Variants in ATP6V0E2 observed in about 807,000 individuals in gnomAD.
ATP6V0E2 encodes the protein V-type proton ATPase subunit e 2.
A neutral mutation model predicts 11.5 loss-of-function variants in ATP6V0E2; 4 were observed. The ratio of observed to expected loss-of-function variants is 0.35; its 90% confidence interval spans 0.17 to 0.80. The LOEUF (loss-of-function observed/expected upper bound fraction) is 0.80. Among genes scored for constraint, ATP6V0E2 ranks in the 30% least tolerant of loss-of-function variants. The probability of loss-of-function intolerance (pLI) is 0.53; values close to 1 mark genes in which losing one functional copy is unlikely to be tolerated. For missense variants in ATP6V0E2, 93 were observed against 113.5 expected (o/e 0.82, Z 0.82); for synonymous variants, 52 against 51.0 (o/e 1.02, Z -0.09).
upstream of ATP6V0E2, chr7:149,873,826 G>A (rs1016183683): frequency 7.0e-6 from 10 of 1,430,726 alleles, no homozygotes; most frequent in Admixed American, 5.5e-5. Flanking sequence ...CCTATTCCTC[G>A]GCATTTCTCT....
chr7:149,875,559 G>A (rs1452175437), intron 1 of ATP6V0E2, 39 bp from the exon 2 acceptor site: 5 of 1,611,874 alleles, frequency 3.1e-6, no homozygotes, highest in Non-Finnish European at 1.7e-6. Flanking sequence ...GTGAGGTGCT[G>A]GCTGCATTTG....
At chr7:149,879,281 G>A in intron 3 of ATP6V0E2, 54 bp from the exon 4 acceptor site, 2 of 1,435,668 alleles carry the variant, frequency 1.4e-6, no homozygotes, top group East Asian at 2.6e-5. Context: ...AGGGTTGGGG[G>A]CAGTGGAGTC....
At chr7:149,878,123 G>A (rs1167475856) in intron 2 of ATP6V0E2, among the ~76,000 whole-genome samples, 1 of 152,230 alleles carries the variant, frequency 6.6e-6, no homozygotes, top group Non-Finnish European at 1.5e-5. Context: ...GGGCCAGACA[G>A]CCACCCACAC....
At position 149,879,719 on chromosome 7, in the gene ATP6V0E2, C is replaced by A; in HGVS notation, c.*404C>A. On this transcript the variant is annotated 3_prime_UTR_variant, in exon 4 of 4. Transcript: ENST00000425642. The stretch of plus-strand genomic sequence containing the variant: ...CATGGAGAGGGTGCTCCGGCCCAGG[C>A]GGGGGAGTCAGTGCCCAGTCAGCAG... The A allele has an allele frequency of 1.5e-6, 2 of 1,326,370 alleles. No individual in the cohort carries two copies. The highest frequency in any genetic ancestry group is 9.8e-7 in the Non-Finnish European group (1 of 1,025,364). The allele number at this position is 1,326,370 out of a possible 1,614,324, so 82.2% of individuals were successfully genotyped here. A position where few individuals can be genotyped will look rare whatever the true frequency, so the allele number is the denominator to read the frequency against.
chr7:149,879,187 C>A, intron 3 of ATP6V0E2, 148 bp from the exon 4 acceptor site: 1 of 1,401,468 alleles, frequency 7.1e-7, no homozygotes, highest in Admixed American at 3.1e-5. Context: ...AAGGCAAGAC[C>A]CTAACCTGGG....
rs1487868827 is a variant in ATP6V0E2, at chr7:149,879,463, G to T, written c.*148G>T. The T allele has an allele frequency of 2.5e-6, 4 of 1,594,554 alleles. No homozygotes were observed. Among genetic ancestry groups the T allele is most frequent in the Non-Finnish European group, 3.4e-6 (4 of 1,171,264 alleles). ...GCACCCAGAGACCCGGACCCGCAGG[G>T]CCTGCCTGGTTCCTGGAAGTCTTCC... On this transcript the variant is annotated 3_prime_UTR_variant, in exon 4 of 4. Transcript: ENST00000425642.
At chr7:149,878,524 G>A (rs145658911) in intron 2 of ATP6V0E2, among the ~76,000 whole-genome samples, 154 bp from the exon 3 acceptor site, 2 of 152,250 alleles carry the variant, frequency 1.3e-5, no homozygotes, top group African/African-American at 2.4e-5. Context: ...GCCTGCCGGA[G>A]TGTGGATGGC....
chr7:149,879,667 G>A lies in ATP6V0E2; in HGVS notation c.*352G>A. 1 of 1,444,268 alleles carries A rather than the reference G, an allele frequency of 6.9e-7. No individual in the cohort carries two copies. Among genetic ancestry groups the A allele is most frequent in the Non-Finnish European group, 9.1e-7 (1 of 1,094,704 alleles). 89.5% of individuals were successfully genotyped at this position (1,444,268 alleles called of 1,614,324 possible). On this transcript the variant is annotated 3_prime_UTR_variant, in exon 4 of 4. Coordinates refer to ENST00000425642, the MANE Select transcript of ATP6V0E2 (RefSeq NM_145230.4). The stretch of plus-strand genomic sequence containing the variant: ...CAGACGGGGCAGATGCCAGGACTCA[G>A]CCCATCCTGAGGAGGACACGTGTCC...
At chr7:149,875,044 G>A (rs1243367114) in intron 1 of ATP6V0E2, 1 of 154,208 alleles carries the variant, frequency 6.5e-6, no homozygotes, top group African/African-American at 2.4e-5. Context: ...GTGAGTTCTT[G>A]CTTCAGTTTG....
chr7:149,874,041 C>G lies in ATP6V0E2; in HGVS notation c.-25C>G. The G allele has an allele frequency of 6.5e-7, 1 of 1,549,664 alleles. No individual in the cohort carries two copies. Among genetic ancestry groups the G allele is most frequent in the Non-Finnish European group, 8.7e-7 (1 of 1,146,598 alleles). The stretch of plus-strand genomic sequence containing the variant: ...AGCGCCCGCTGCTCGGCCCTGCATC[C>G]TGCCTGGGCATCCTGCGCCCGGCCA... On this transcript the variant is annotated 5_prime_UTR_variant, in exon 1 of 4. Coordinates refer to ENST00000425642, the MANE Select transcript of ATP6V0E2 (RefSeq NM_145230.4).
upstream of ATP6V0E2, chr7:149,873,946 A>C (rs145697964): frequency 2.7e-3 from 4,114 of 1,541,870 alleles, 93 homozygotes; most frequent in African/African-American, 0.05. Context: ...GGCCCGGCTG[A>C]TCGCTTCGGG....
chr7:149,876,146 G>T (rs1803120734), intron 2 of ATP6V0E2: 1 of 454,214 alleles, frequency 2.2e-6, no homozygotes. Context: ...GGGAGGCTGA[G>T]GTGGGTGGAT....
At position 149,879,813 on chromosome 7, in the gene ATP6V0E2, A is replaced by G. The variant is rs1044658481; in HGVS notation, c.*498A>G. ...TTATAGGCAAGGCCTTTTCTCTGGC[A>G]TGGAATTGTTAATTTTCTGACACGT... is the stretch of plus-strand genomic sequence containing the variant. On this transcript the variant is annotated 3_prime_UTR_variant, in exon 4 of 4. Coordinates refer to ENST00000425642, the MANE Select transcript of ATP6V0E2 (RefSeq NM_145230.4). The G allele has an allele frequency of 1.8e-6, 1 of 555,752 alleles. No individual in the cohort carries two copies. The allele number at this position is 555,752 out of a possible 1,614,324, so 34.4% of individuals were successfully genotyped here.
chr7:149,873,896 A>G (rs754442325), upstream of ATP6V0E2: 34 of 1,497,294 alleles, frequency 2.3e-5, no homozygotes, highest in East Asian at 1.7e-4. Flanking sequence ...CCTGAGTGAC[A>G]GCGCGGCGGG....
chr7:149,879,131 C>T, intron 3 of ATP6V0E2: 1 of 1,399,050 alleles, frequency 7.1e-7, no homozygotes, highest in Non-Finnish European at 9.2e-7. Context: ...AAATGGGAAC[C>T]ATGCTCCCAG....
intron 2 of ATP6V0E2, chr7:149,876,214 A>G (rs971218423): frequency 1.5e-5 from 6 of 395,098 alleles, no homozygotes; most frequent in Non-Finnish European, 2.5e-5. Context: ...CGTCTCTACT[A>G]AAAATACAAA....
At chr7:149,876,235 G>A (rs1243258176) in intron 2 of ATP6V0E2, 4 of 388,284 alleles carry the variant, frequency 1.0e-5, no homozygotes, top group Non-Finnish European at 2.1e-5. Flanking sequence ...AATTAGCCAG[G>A]CCTGGTGGCG....
chr7:149,876,995 T>G (rs979281949), intron 2 of ATP6V0E2, among the ~76,000 whole-genome samples: 6 of 152,252 alleles, frequency 3.9e-5, no homozygotes, highest in African/African-American at 1.4e-4. Context: ...TAAAATTGTT[T>G]TATCTGATTA....
intron 2 of ATP6V0E2, 38 bp downstream of exon 2, chr7:149,875,683 C>A: frequency 6.3e-7 from 1 of 1,594,406 alleles, no homozygotes; most frequent in Non-Finnish European, 8.6e-7. Flanking sequence ...TCAGCCAGTT[C>A]CTTTGTCCTC....
Sources: allele counts gnomAD v4.1 joint callset (sites outside exome capture counted in the v4.1 genomes callset), GRCh38; gene constraint gnomAD v4.1.1; transcripts MANE v1.5; gene names NCBI Gene and HGNC (gene_info 2026-07-23, HGNC 2026-07-21).